Variants in PM20D2 observed in about 807,000 individuals in gnomAD.
PM20D2 encodes xaa-Arg dipeptidase.
PM20D2 carries 33 observed loss-of-function variants against 42.9 expected under a neutral mutation model. The observed-to-expected ratio is 0.77, with a 90% CI of 0.58 to 1.03. PM20D2 has a LOEUF of 1.03. PM20D2 is among the 50% of genes least tolerant of loss of function. The pLI is 0.00. For missense variants in PM20D2, 548 were observed against 557.0 expected (o/e 0.98, Z 0.16); for synonymous variants, 250 against 228.2 (o/e 1.10, Z -0.86).
the PM20D2 span, among the ~76,000 whole-genome samples, chr6:89,127,772 T>G: frequency 1.7e-3 from 252 of 152,270 alleles, 1 homozygote; most frequent in African/African-American, 5.7e-3. Context: ...AAAATAAAAT[T>G]TTAAATTCAT....
rs749822965 is a variant in PM20D2, at chr6:89,153,028, T to C, written c.615-15T>C. On this transcript the variant is annotated splice_polypyrimidine_tract_variant and intron_variant, in intron 2 of 6. Coordinates refer to ENST00000275072, the MANE Select transcript of PM20D2 (RefSeq NM_001010853.3). ...TAATAACAAAAGTAATTTCAAATGA[T>C]TTTTTATTTCCTAGTGTGACTGTGA... is the stretch of plus-strand genomic sequence containing the variant. 6.4e-6 allele frequency: 10 copies of C among 1,564,694 alleles called. No homozygotes were observed. The highest frequency in any genetic ancestry group is 7.8e-6 in the Non-Finnish European group (9 of 1,153,750).
At chr6:89,099,443 CATATATATGTGTGTAT>C in the PM20D2 span, among the ~76,000 whole-genome samples, 1 of 138,746 alleles carries the variant, frequency 7.2e-6, no homozygotes, top group African/African-American at 2.9e-5. Context: ...TATATATACA[CATATATATGTGTGTAT>C]ATATGTGTGT....
the PM20D2 span, among the ~76,000 whole-genome samples, chr6:89,104,401 C>T: frequency 1.3e-4 from 19 of 151,874 alleles, no homozygotes; most frequent in Admixed American, 6.6e-4. Context: ...CCACACCCAG[C>T]TAATTTTTGT....
At chr6:89,112,259 C>T in the PM20D2 span, among the ~76,000 whole-genome samples, 1 of 152,232 alleles carries the variant, frequency 6.6e-6, no homozygotes, top group African/African-American at 2.4e-5. Context: ...TGTTCAATTT[C>T]ATTTCTGTCA....
the PM20D2 span, among the ~76,000 whole-genome samples, chr6:89,125,320 A>G: frequency 1.3e-5 from 2 of 152,128 alleles, no homozygotes; most frequent in African/African-American, 4.8e-5. Context: ...CTCTACTAAA[A>G]ATACAAAAAA....
rs1201986184 is a variant in PM20D2 at position 89,146,250 on chromosome 6, G to C, written c.106G>C (p.Glu36Gln). 1 of 1,578,570 alleles carries C rather than the reference G, an allele frequency of 6.3e-7. No individual in the cohort carries two copies. Among genetic ancestry groups the C allele is most frequent in the Non-Finnish European group, 8.5e-7 (1 of 1,170,050 alleles). ...GGCGGAGTGCATCGACGAGGCGGCCGAGCGGCTGGGGGCCCTGAGCCGCGC... is the reference window on the plus strand; with the variant it reads ...GGCGGAGTGCATCGACGAGGCGGCCCAGCGGCTGGGGGCCCTGAGCCGCGC... ...RSAECIDEAA[E>Q]RLGALSRAIW... The change falls in exon 1 of 7, where the codon GAG becomes CAG. Residue 36 changes from glutamate (E) to glutamine (Q), a missense_variant. Transcript: ENST00000275072.
chr6:89,151,509 T>G (rs1022037627), intron 2 of PM20D2, among the ~76,000 whole-genome samples: 2 of 152,200 alleles, frequency 1.3e-5, no homozygotes, highest in Non-Finnish European at 2.9e-5. Flanking sequence ...ATTACAGGCA[T>G]GAGCCGCCAG....
the PM20D2 span, among the ~76,000 whole-genome samples, chr6:89,136,411 C>T: frequency 1.3e-5 from 2 of 151,442 alleles, no homozygotes; most frequent in East Asian, 3.9e-4. Flanking sequence ...GGCGCAGTGG[C>T]TCACGCCTGT....
chr6:89,095,724 A>T, the PM20D2 span, among the ~76,000 whole-genome samples: 9 of 152,356 alleles, frequency 5.9e-5, no homozygotes, highest in East Asian at 1.7e-3. Flanking sequence ...CCAAATAAAA[A>T]TTTCAGCAAA....
At chr6:89,122,675 G>C in the PM20D2 span, among the ~76,000 whole-genome samples, 1 of 152,160 alleles carries the variant, frequency 6.6e-6, no homozygotes, top group East Asian at 1.9e-4. Context: ...ATTGTATTTA[G>C]GTAGGTATTA....
the PM20D2 span, among the ~76,000 whole-genome samples, chr6:89,101,121 A>G: frequency 5.3e-5 from 8 of 151,800 alleles, no homozygotes; most frequent in East Asian, 1.9e-4. Flanking sequence ...AAAAAAAAAA[A>G]AAAAGAAAAG....
chr6:89,126,779 T>G, the PM20D2 span, among the ~76,000 whole-genome samples: 1 of 150,964 alleles, frequency 6.6e-6, no homozygotes, highest in Non-Finnish European at 1.5e-5. Flanking sequence ...CCATACTCCC[T>G]AAATATAATT....
chr6:89,107,566 C>CA, the PM20D2 span, among the ~76,000 whole-genome samples: 5 of 151,758 alleles, frequency 3.3e-5, no homozygotes, highest in African/African-American at 7.3e-5. Context: ...CCCGTCTCTA[C>CA]AAAAAAATAC....
At chr6:89,158,261 T>C (rs9344910) in intron 4 of PM20D2, 64 bp from the exon 5 acceptor site, 375,353 of 1,424,740 alleles carry the variant, frequency 0.26, 50,318 homozygotes, top group Admixed American at 0.35. Flanking sequence ...CAATCACTGG[T>C]TTGAAAATTA....
chr6:89,101,986 G>A, the PM20D2 span, among the ~76,000 whole-genome samples: 1 of 151,034 alleles, frequency 6.6e-6, no homozygotes, highest in Non-Finnish European at 1.5e-5. Flanking sequence ...CACTGCCCTG[G>A]TACTTCTCGG....
At chr6:89,142,231 T>C (rs117392317), upstream of PM20D2, among the ~76,000 whole-genome samples, 77 of 152,346 alleles carry the variant, frequency 5.1e-4, no homozygotes, top group East Asian at 0.015. Flanking sequence ...CTTTCTGCCA[T>C]ATGACAACCA....
the PM20D2 span, among the ~76,000 whole-genome samples, chr6:89,130,819 C>CTTTTTTTTTT: frequency 1.2e-3 from 30 of 24,054 alleles, 2 homozygotes; most frequent in African/African-American, 3.2e-3. Flanking sequence ...GCTTCTTCTT[C>CTTTTTTTTTT]TTTTTTTTTT....
the PM20D2 span, among the ~76,000 whole-genome samples, chr6:89,103,991 C>CTTTTTTTTTTTT: frequency 3.7e-5 from 3 of 81,950 alleles, no homozygotes; most frequent in African/African-American, 9.4e-5. Flanking sequence ...TATTATATTT[C>CTTTTTTTTTTTT]TTTTTTTTTT....
At chr6:89,127,721 C>G in the PM20D2 span, among the ~76,000 whole-genome samples, 1 of 152,108 alleles carries the variant, frequency 6.6e-6, no homozygotes, top group Non-Finnish European at 1.5e-5. Flanking sequence ...TCTGCACTGT[C>G]CAATACTGTG....
Sources: allele counts gnomAD v4.1 joint callset (sites outside exome capture counted in the v4.1 genomes callset), GRCh38; gene constraint gnomAD v4.1.1; transcripts MANE v1.5; gene names NCBI Gene and HGNC (gene_info 2026-07-23, HGNC 2026-07-21).